The following SPI1 variants were observed in gnomAD, a reference collection of about 807,000 sequenced individuals.
SPI1 encodes transcription factor PU.1.
A neutral mutation model predicts 30.7 loss-of-function variants in SPI1; 3 were observed. The ratio of observed to expected loss-of-function variants is 0.10; its 90% CI spans 0.04 to 0.25. SPI1 has a LOEUF of 0.25. Ranked by LOEUF, SPI1 falls within the 10% of genes least tolerant of loss-of-function variation. The pLI, the probability that SPI1 is intolerant of heterozygous loss-of-function variation, is 1.00. For missense variants in SPI1, 261 were observed against 371.5 expected, an observed-to-expected ratio of 0.70 and a Z score of 2.45; for synonymous variants, 169 against 157.1, an observed-to-expected ratio of 1.08 and a Z score of -0.56.
chr11:47,376,585 C>T (rs1186441229), intron 1 of SPI1, among the ~76,000 whole-genome samples: 1 of 151,170 alleles, frequency 6.6e-6, no homozygotes, highest in African/African-American at 2.4e-5. Context: ...TTTGCTTCCT[C>T]CTCCCCCTCC....
At chr11:47,370,291 T>C (rs2142894401) in intron 2 of SPI1, among the ~76,000 whole-genome samples, 1 of 151,490 alleles carries the variant, frequency 6.6e-6, no homozygotes, top group Non-Finnish European at 1.5e-5. Context: ...TAATCCCAGC[T>C]ACCCAGGAGG....
intron 2 of SPI1, among the ~76,000 whole-genome samples, chr11:47,365,718 A>G (rs2095927164): frequency 6.6e-6 from 1 of 152,072 alleles, no homozygotes; most frequent in African/African-American, 2.4e-5. Flanking sequence ...TTTTTTTGAG[A>G]TGGAGTCTCA....
In SPI1 at chr11:47,375,318, C is replaced by T. The variant is rs939690620; in HGVS notation, c.142+315G>A. On this transcript the variant is annotated intron_variant, in intron 2 of 4. Transcript: ENST00000378538. The surrounding 1 kb of genome is among the most constrained non-coding windows in gnomAD (Gnocchi z 4.2). Reference sequence around the variant, plus strand: ...ACAGACCTGGGTTCCACCCAGCAGCCGTGTGACCTTGTGCAAGTCTCCTAG... The same window carrying T: ...ACAGACCTGGGTTCCACCCAGCAGCTGTGTGACCTTGTGCAAGTCTCCTAG... 6.6e-6 allele frequency among the ~76,000 whole-genome samples: 1 copy of T among 152,180 alleles called. No homozygotes were observed. The highest frequency in any genetic ancestry group is 1.9e-4 in the East Asian group (1 of 5,200).
intron 4 of SPI1, chr11:47,358,310 C>T (rs1428966377): frequency 2.3e-5 from 12 of 530,356 alleles, no homozygotes; most frequent in Non-Finnish European, 4.1e-5. Flanking sequence ...CACATGCCTG[C>T]TTACAGCCAC....
intron 4 of SPI1, among the ~76,000 whole-genome samples, chr11:47,355,938 T>G (rs182981271): frequency 8.5e-4 from 119 of 140,570 alleles, no homozygotes; most frequent in African/African-American, 2.8e-3. Flanking sequence ...CCACTCACAC[T>G]CATGCTTAAA....
Position 47,375,150 on chromosome 11 carries a change from A to G in SPI1, c.142+483T>C, listed in dbSNP as rs970104542. ...TCCCACCCAAAATGTCAGCAGTGCC[A>G]CAGTTAGGAAACCCTGCCAACCACA... is the stretch of plus-strand genomic sequence containing the variant. On this transcript the variant is annotated intron_variant, in intron 2 of 4. Coordinates refer to ENST00000378538, the MANE Select transcript of SPI1 (RefSeq NM_003120.3). The surrounding 1 kb of genome is among the most constrained non-coding windows in gnomAD (Gnocchi z 4.2). Among the ~76,000 whole-genome samples the G allele has an allele frequency of 1.3e-5, 2 of 152,178 alleles. No homozygotes were observed. The highest frequency in any genetic ancestry group is 2.9e-5 in the Non-Finnish European group (2 of 68,028).
At chr11:47,367,760 T>A (rs1163332746) in intron 2 of SPI1, among the ~76,000 whole-genome samples, 1 of 118,860 alleles carries the variant, frequency 8.4e-6, no homozygotes, top group Non-Finnish European at 1.8e-5. Flanking sequence ...TTTTTTTTTT[T>A]TTTTTTTTTT....
intron 2 of SPI1, among the ~76,000 whole-genome samples, chr11:47,365,586 C>T (rs1315818152): frequency 2.0e-5 from 3 of 152,146 alleles, no homozygotes; most frequent in Non-Finnish European, 4.4e-5. Context: ...GACCCAAACC[C>T]ACCTGTATCT....
At position 47,357,491 on chromosome 11, in the gene SPI1, TCTG is replaced by T. The variant is rs957281926; in HGVS notation, c.493+1350_493+1352del. On this transcript the variant is annotated intron_variant, in intron 4 of 4. Transcript: ENST00000378538. ...TGCACACTCAAATGCTCACACACAT[TCTG>T]CTCTCACATCCACTCACAGCAGCTC... is the stretch of plus-strand genomic sequence containing the variant. Among the ~76,000 whole-genome samples, 12 of 151,276 alleles carry T rather than the reference TCTG, an allele frequency of 7.9e-5. No individual in the cohort carries two copies. In the South Asian group the frequency reaches 1.1e-3, roughly 13 times the overall value.
chr11:47,370,965 G>A (rs2095934884), intron 2 of SPI1, among the ~76,000 whole-genome samples: 1 of 152,110 alleles, frequency 6.6e-6, no homozygotes, highest in Non-Finnish European at 1.5e-5. Flanking sequence ...GAAAAATCAA[G>A]CTGCCTGACA....
Position 47,358,830 on chromosome 11 carries a change from G to A in SPI1, c.493+14C>T. On this transcript the variant is annotated intron_variant, in intron 4 of 4. Coordinates refer to ENST00000378538, the MANE Select transcript of SPI1 (RefSeq NM_003120.3). ...GCCAGGGTCGGGGCCAGGGTGGAGG[G>A]CCAGGTGCCCCACCTGTCTCCCCAG... 1 of 1,548,330 alleles carries A rather than the reference G, an allele frequency of 6.5e-7. No individual in the cohort carries two copies. The highest frequency in any genetic ancestry group is 1.2e-5 in the South Asian group (1 of 83,986).
chr11:47,360,143 A>G lies in SPI1; in HGVS notation c.143-103T>C. The G allele has an allele frequency of 4.7e-6, 5 of 1,057,588 alleles. No homozygotes were observed. The South Asian group carries it at 7.2e-5, about 15-fold the overall frequency. The allele number at this position is 1,057,588 out of a possible 1,614,324, so 65.5% of individuals were successfully genotyped here. A position where few individuals can be genotyped will look rare whatever the true frequency, so the allele number is the denominator to read the frequency against. On this transcript the variant is annotated intron_variant, in intron 2 of 4. Coordinates refer to ENST00000378538, the MANE Select transcript of SPI1 (RefSeq NM_003120.3). Reference sequence around the variant, plus strand: ...ATACTGCCAGGCCATATGGGGCCTAACCATCTCGTTTAACCCTCGCCACCT... The same window carrying G: ...ATACTGCCAGGCCATATGGGGCCTAGCCATCTCGTTTAACCCTCGCCACCT...
chr11:47,356,252 CTG>C (rs968376587), intron 4 of SPI1, among the ~76,000 whole-genome samples: 1 of 151,164 alleles, frequency 6.6e-6, no homozygotes, highest in African/African-American at 2.4e-5. Context: ...CCCCCACACA[CTG>C]GCACCCACAC....
At chr11:47,356,525 C>T (rs2095909816) in intron 4 of SPI1, among the ~76,000 whole-genome samples, 1 of 14,924 alleles carries the variant, frequency 6.7e-5, no homozygotes, top group Admixed American at 4.5e-4. Flanking sequence ...CACACCTGCT[C>T]ACACACACCT....
intron 2 of SPI1, among the ~76,000 whole-genome samples, chr11:47,372,197 G>A (rs1319866276): frequency 1.3e-5 from 2 of 151,198 alleles, no homozygotes; most frequent in East Asian, 1.9e-4. Flanking sequence ...CTCCGCCTCC[G>A]GAGTTCAAGC....
intron 4 of SPI1, 55 bp from the exon 5 acceptor site, chr11:47,355,601 C>T: frequency 6.9e-7 from 1 of 1,457,936 alleles, no homozygotes; most frequent in Non-Finnish European, 9.2e-7. Flanking sequence ...GGGAGCCGCC[C>T]CCACCGCCTT....
intron 2 of SPI1, among the ~76,000 whole-genome samples, chr11:47,373,346 C>T (rs1225165302): frequency 2.1e-5 from 3 of 141,034 alleles, no homozygotes; most frequent in African/African-American, 5.3e-5. Flanking sequence ...TACGAGACTC[C>T]GTATCAAAAA....
At chr11:47,357,965 C>T (rs1310880779) in intron 4 of SPI1, among the ~76,000 whole-genome samples, 1 of 151,942 alleles carries the variant, frequency 6.6e-6, no homozygotes, top group Non-Finnish European at 1.5e-5. Flanking sequence ...CACGCAGGTG[C>T]TTAAGCACGT....
intron 1 of SPI1, among the ~76,000 whole-genome samples, chr11:47,376,165 A>G (rs2095942057): frequency 6.6e-6 from 1 of 151,354 alleles, no homozygotes; most frequent in Non-Finnish European, 1.5e-5. Flanking sequence ...CCTGCACACT[A>G]TCCCTCACAC....
Sources: allele counts gnomAD v4.1 joint callset (sites outside exome capture counted in the v4.1 genomes callset), GRCh38; gene constraint gnomAD v4.1.1; non-coding constraint Gnocchi (gnomAD v3.1); transcripts MANE v1.5; gene names NCBI Gene and HGNC (gene_info 2026-07-23, HGNC 2026-07-21).